Variants in RAPGEF3 observed in about 807,000 individuals in gnomAD.
The protein encoded by RAPGEF3 is Rap guanine nucleotide exchange factor 3.
A neutral mutation model predicts 129.8 loss-of-function variants in RAPGEF3; 103 were observed. The ratio of observed to expected loss-of-function variants is 0.79; its 90% CI spans 0.68 to 0.93. RAPGEF3 has a LOEUF of 0.93. Ranked by LOEUF, RAPGEF3 falls within the 40% of genes least tolerant of loss-of-function variation. The pLI, the probability that RAPGEF3 is intolerant of heterozygous loss-of-function variation, is 0.00. For synonymous variants in RAPGEF3, 436 were observed against 482.6 expected, an observed-to-expected ratio of 0.90 and a Z score of 1.26; for missense variants, 1,117 against 1,207.4, an observed-to-expected ratio of 0.93 and a Z score of 1.11.
intron 16 of RAPGEF3, 121 bp downstream of exon 16, chr12:47,746,739 C>G: frequency 8.6e-7 from 1 of 1,158,862 alleles, no homozygotes; most frequent in Non-Finnish European, 1.3e-6. Context: ...ATCAGAGACC[C>G]AAGGGTGTGT....
chr12:47,749,851 G>A lies in RAPGEF3; in HGVS notation c.818-34C>T, dbSNP rs376264257. ...AGCATACCTCAGACCGGGCCCTCCT[G>A]GCACCTACCATTCCTTCACACATCC... On this transcript the variant is annotated intron_variant, in intron 8 of 27. Coordinates refer to ENST00000449771, the MANE Select transcript of RAPGEF3 (RefSeq NM_001098531.4). The surrounding 1 kb of genome is among the most constrained non-coding windows in gnomAD (Gnocchi z 4.5). The A allele has an allele frequency of 1.1e-5, 18 of 1,614,032 alleles. No homozygotes were observed. Among genetic ancestry groups the A allele is most frequent in the Non-Finnish European group, 1.5e-5 (18 of 1,179,882 alleles).
intron 18 of RAPGEF3, 132 bp from the exon 19 acceptor site, chr12:47,741,734 T>A: frequency 1.4e-6 from 1 of 732,200 alleles, no homozygotes; most frequent in Non-Finnish European, 2.4e-6. Flanking sequence ...AAGTCCTGGG[T>A]GGTGCTCAGA....
rs1189340741 is a variant in RAPGEF3, at chr12:47,751,196, G to T, written c.523C>A (p.Gln175Lys). ...LCHVKHDWAF[Q>K]DRDAQFYRFP... ...CGGTAGAATTGGGCATCTCGGTCCTGGAAGGCCCAGTCGTGTTTCACTGGG... is the reference window on the plus strand; with the variant it reads ...CGGTAGAATTGGGCATCTCGGTCCTTGAAGGCCCAGTCGTGTTTCACTGGG... The change falls in exon 6 of 28, where the codon CAG becomes AAG. Residue 175 changes from glutamine (Q) to lysine (K), a missense_variant. Physicochemically the swap from Gln to Lys is moderately conservative, Grantham distance 53. Coordinates refer to ENST00000449771, the MANE Select transcript of RAPGEF3 (RefSeq NM_001098531.4). 2.6e-6 allele frequency: 4 copies of T among 1,552,312 alleles called. No homozygotes were observed. The East Asian group carries it at 9.7e-5, about 38-fold the overall frequency.
At position 47,748,406 on chromosome 12, in the gene RAPGEF3, G is replaced by A. The variant is rs751375412; in HGVS notation, c.1243+48C>T. ...TACCTGGCTCTCTCCCAGGCTCCAT[G>A]GACCACCCAATGAGTCAGAAAGCAG... is the stretch of plus-strand genomic sequence containing the variant. On this transcript the variant is annotated intron_variant, in intron 12 of 27. Transcript: ENST00000449771. The A allele has an allele frequency of 2.0e-5, 31 of 1,546,998 alleles. No individual in the cohort carries two copies. In the South Asian group the frequency reaches 3.5e-4, roughly 17 times the overall value.
chr12:47,746,015 C>G (rs1339365268), intron 16 of RAPGEF3: 1 of 152,400 alleles, frequency 6.6e-6, no homozygotes, highest in East Asian at 1.9e-4. Context: ...AAGAAAATCA[C>G]AGAGGACACC....
intron 17 of RAPGEF3, 82 bp from the exon 18 acceptor site, chr12:47,743,758 G>T (rs1941282897): frequency 2.0e-6 from 3 of 1,537,600 alleles, no homozygotes; most frequent in Middle Eastern, 1.7e-4. Flanking sequence ...TTGCAGTAAT[G>T]GTGGGAGGGA....
At chr12:47,758,174 C>T (rs1942208232) in intron 1 of RAPGEF3, 96 bp from the exon 2 acceptor site, 3 of 1,471,204 alleles carry the variant, frequency 2.0e-6, no homozygotes, top group Non-Finnish European at 2.7e-6. Flanking sequence ...TCCTTAGAGT[C>T]CTCTGGACTG....
At chr12:47,757,745 A>C in intron 2 of RAPGEF3, 121 bp downstream of exon 2, 10 of 923,104 alleles carry the variant, frequency 1.1e-5, no homozygotes. Context: ...TGTCCACGGC[A>C]GCTGTACCAC....
intron 2 of RAPGEF3, 107 bp downstream of exon 2, chr12:47,757,757 GTA>G (rs970211902): frequency 1.3e-5 from 14 of 1,099,954 alleles, no homozygotes; most frequent in African/African-American, 9.3e-5. Context: ...CTGTACCACT[GTA>G]CACCCCCAGA....
At chr12:47,748,779 G>C in intron 11 of RAPGEF3, 40 bp downstream of exon 11, 1 of 1,414,706 alleles carries the variant, frequency 7.1e-7, no homozygotes, top group Non-Finnish European at 1.0e-6. Context: ...GGAAATGAAA[G>C]GAGGGACAGT....
At chr12:47,747,111 G>T (rs184136969) in intron 15 of RAPGEF3, among the ~76,000 whole-genome samples, 92 of 152,182 alleles carry the variant, frequency 6.0e-4, no homozygotes, top group Non-Finnish European at 1.1e-3. Flanking sequence ...GAAGGAAAAA[G>T]TTAAAGGCAG....
rs1282370972 is a variant in RAPGEF3, at chr12:47,734,395, G to A, written c.*3172C>T. On this transcript the variant is annotated 3_prime_UTR_variant, in exon 28 of 28. Transcript: ENST00000449771. ...AGGGAAAAAGGAATTTATATGCTTG[G>A]GTCTAATCCTGCAAAAGAATAAAAT... The A allele has an allele frequency of 2.6e-5, 4 of 152,222 alleles. No individual in the cohort carries two copies. In the East Asian group the frequency reaches 5.8e-4, roughly 22 times the overall value. The allele number at this position is 152,222 out of a possible 1,614,324, so 9.4% of individuals were successfully genotyped here. A position where few individuals can be genotyped will look rare whatever the true frequency, so the allele number is the denominator to read the frequency against.
Position 47,749,780 on chromosome 12 carries a change from A to G in RAPGEF3, c.855T>C (p.Ile285=), listed in dbSNP as rs1941636526. The G allele has an allele frequency of 1.2e-6, 2 of 1,614,064 alleles. No homozygotes were observed. The highest frequency in any genetic ancestry group is 2.2e-5 in the South Asian group (2 of 91,088). The change falls in exon 9 of 28, where the codon ATT becomes ATC. Residue 285 remains isoleucine, a synonymous_variant. Transcript: ENST00000449771. The surrounding 1 kb of genome is among the most constrained non-coding windows in gnomAD (Gnocchi z 4.5). The part of the protein sequence containing the change: ...SQGDKGTSWY[I]IWKGSVNVVT... Reference sequence around the variant, plus strand: ...CCACGTTGACAGATCCCTTCCAGATAATGTACCACGAAGTGCCCTTGTCCC... The same window carrying G: ...CCACGTTGACAGATCCCTTCCAGATGATGTACCACGAAGTGCCCTTGTCCC...
intron 19 of RAPGEF3, chr12:47,741,273 G>A: frequency 1.5e-6 from 1 of 681,852 alleles, no homozygotes. Context: ...ACTAGGGCAG[G>A]TCCTCCTCTT....
intron 15 of RAPGEF3, 141 bp from the exon 16 acceptor site, chr12:47,747,040 G>C (rs765483542): frequency 3.8e-6 from 3 of 792,568 alleles, no homozygotes; most frequent in Admixed American, 3.1e-5. Context: ...CACATAAAGA[G>C]GGGAGAACAC....
intron 18 of RAPGEF3, chr12:47,741,810 A>G (rs1183042234): frequency 5.1e-6 from 3 of 583,414 alleles, no homozygotes; most frequent in East Asian, 5.7e-5. Flanking sequence ...GGATGAGGAA[A>G]GATTCTCAGT....
At position 47,738,727 on chromosome 12, in the gene RAPGEF3, T is replaced by C; in HGVS notation, c.2489A>G (p.His830Arg). Reference protein sequence around the residue: ...KDMTFIHEGNHTLVENLINFE... With the variant: ...KDMTFIHEGNRTLVENLINFE... ...GTTGATGAGATTCTCCACTAGTGTG[T>C]GGTTTCCCTCATGAATGAAGGTCAT... Residue 830 changes from histidine to arginine, a missense_variant, in exon 25 of 28, where the codon CAC becomes CGC. Coordinates refer to ENST00000449771, the MANE Select transcript of RAPGEF3 (RefSeq NM_001098531.4). The C allele has an allele frequency of 6.2e-7, 1 of 1,611,386 alleles. No homozygotes were observed. The highest frequency in any genetic ancestry group is 8.5e-7 in the Non-Finnish European group (1 of 1,177,504).
At chr12:47,750,171 C>T (rs1375105101) in intron 7 of RAPGEF3, among the ~76,000 whole-genome samples, 170 bp downstream of exon 7, 1 of 152,150 alleles carries the variant, frequency 6.6e-6, no homozygotes, top group Non-Finnish European at 1.5e-5. Context: ...CTGAGAGAGG[C>T]GGAAGGATTT....
In RAPGEF3 at chr12:47,757,997, C is replaced by T. The variant is rs1420280054; in HGVS notation, c.88G>A (p.Ala30Thr). 6.4e-7 allele frequency: 1 copy of T among 1,573,276 alleles called. No homozygotes were observed. The highest frequency in any genetic ancestry group is 1.2e-5 in the South Asian group (1 of 85,706). The change falls in exon 2 of 28, where the codon GCC becomes ACC. Residue 30 changes from alanine (A) to threonine (T), a missense_variant. Around this residue, in one of 3 missense-constraint regions of RAPGEF3, gnomAD observed 367 missense variants for 373.4 expected, o/e 0.98. Coordinates refer to ENST00000449771, the MANE Select transcript of RAPGEF3 (RefSeq NM_001098531.4). The part of the protein sequence containing the change: ...SPALGAPRVG[A>T]LPDVVPEGTL... ...CCCTCCGGCACCACGTCAGGGAGGG[C>T]TCCCACCCGCGGTGCTCCCAGAGCT...
Sources: gnomAD v4.1 joint callset for allele counts (sites outside exome capture counted in the v4.1 genomes callset) on GRCh38, gnomAD v4.1.1 for gene constraint, gnomAD v4.1.1 regional missense constraint, Gnocchi (gnomAD v3.1) non-coding constraint, MANE v1.5 for transcripts, NCBI Gene and HGNC (gene_info 2026-07-23, HGNC 2026-07-21) for gene names.